LRRC37A2: variants seen among roughly 807,000 people sequenced by gnomAD.
The protein encoded by LRRC37A2 is leucine rich repeat containing 37 member A2, also known as leucine-rich repeat-containing protein 37A2.
Under a neutral mutation model 68.8 loss-of-function variants are expected in LRRC37A2, and 9 were observed. That is an observed-to-expected ratio of 0.13 (90% CI 0.08 to 0.23). The LOEUF (loss-of-function observed/expected upper bound fraction) is 0.23. Among genes scored for constraint, LRRC37A2 ranks in the 10% least tolerant of loss-of-function variants. The pLI is 1.00. For missense variants in LRRC37A2, 168 were observed against 950.4 expected (o/e 0.18, Z 10.82); for synonymous variants, 63 against 367.6 (o/e 0.17, Z 9.48).
At chr17:46,558,940 C>A (rs1191982299), downstream of LRRC37A2, 1 of 104,572 alleles carries the variant, frequency 9.6e-6, no homozygotes, top group Non-Finnish European at 1.8e-5. Flanking sequence ...GGTCTCTCAA[C>A]GTACTGGGAT....
chr17:46,716,539 G>A, the LRRC37A2 span, among the ~76,000 whole-genome samples: 65 of 152,304 alleles, frequency 4.3e-4, 1 homozygote, highest in South Asian at 2.5e-3. Flanking sequence ...TTACAGGCAT[G>A]AGCCACCGCG....
chr17:46,712,028 T>C, the LRRC37A2 span, among the ~76,000 whole-genome samples: 1 of 152,158 alleles, frequency 6.6e-6, no homozygotes, highest in African/African-American at 2.4e-5. Context: ...ATTTGTAGGA[T>C]TTTAAGCAGT....
the LRRC37A2 span, among the ~76,000 whole-genome samples, chr17:46,867,334 C>T: frequency 6.6e-6 from 1 of 152,268 alleles, no homozygotes; most frequent in African/African-American, 2.4e-5. Flanking sequence ...GGTAGCACAA[C>T]TAGGAAGAGG....
chr17:46,718,696 T>C, the LRRC37A2 span, among the ~76,000 whole-genome samples: 10 of 152,206 alleles, frequency 6.6e-5, no homozygotes, highest in African/African-American at 2.4e-4. Flanking sequence ...GGATATGTCA[T>C]TTAACCTATA....
At chr17:46,966,389 C>G in the LRRC37A2 span, 11 of 553,176 alleles carry the variant, frequency 2.0e-5, no homozygotes, top group Non-Finnish European at 3.5e-5. Flanking sequence ...TCTTCAAGGC[C>G]CTCAGATACC....
chr17:46,859,450 A>G, the LRRC37A2 span, among the ~76,000 whole-genome samples: 2 of 152,150 alleles, frequency 1.3e-5, no homozygotes, highest in Non-Finnish European at 2.9e-5. Context: ...AATTGATTCA[A>G]TATGTGTGGG....
chr17:46,882,893 GCAGGCTCCACCCCACA>G, the LRRC37A2 span, among the ~76,000 whole-genome samples: 2 of 152,114 alleles, frequency 1.3e-5, no homozygotes, highest in Non-Finnish European at 2.9e-5. Context: ...GTGGCTCTGT[GCAGGCTCCACCCCACA>G]CAGGCATTCC....
chr17:47,018,278 G>C, the LRRC37A2 span: 15 of 1,611,428 alleles, frequency 9.3e-6, no homozygotes, highest in Non-Finnish European at 1.3e-5. Flanking sequence ...AGCAGCAGCA[G>C]CCAGTTCAGC....
chr17:46,777,555 G>A, the LRRC37A2 span, among the ~76,000 whole-genome samples: 6 of 152,250 alleles, frequency 3.9e-5, no homozygotes, highest in East Asian at 1.9e-4. Flanking sequence ...CTGTGCAGAC[G>A]CAGTCTCTCC....
At chr17:47,038,027 A>G in the LRRC37A2 span, among the ~76,000 whole-genome samples, 4 of 152,104 alleles carry the variant, frequency 2.6e-5, no homozygotes, top group East Asian at 7.7e-4. Flanking sequence ...GTATTTGTGC[A>G]GTGCAGTGGC....
chr17:46,776,765 C>T, the LRRC37A2 span, among the ~76,000 whole-genome samples: 1 of 152,154 alleles, frequency 6.6e-6, no homozygotes, highest in East Asian at 1.9e-4. Context: ...GAAGCCTGGG[C>T]TGTCCCCGCT....
the LRRC37A2 span, among the ~76,000 whole-genome samples, chr17:46,822,985 T>A: frequency 6.8e-6 from 1 of 147,814 alleles, no homozygotes; most frequent in Admixed American, 6.8e-5. Context: ...GGCATTCAGT[T>A]TTATGTATTT....
the LRRC37A2 span, among the ~76,000 whole-genome samples, chr17:46,606,196 A>G: frequency 5.0e-4 from 11 of 21,842 alleles, no homozygotes; most frequent in Admixed American, 7.7e-4. Context: ...AAAAAAAAGA[A>G]CTAAATATAT....
chr17:46,545,285 C>CAAA (rs71277059), intron 8 of LRRC37A2, among the ~76,000 whole-genome samples: 1 of 116,546 alleles, frequency 8.6e-6, no homozygotes, highest in African/African-American at 3.7e-5. Context: ...TACAAAAGTA[C>CAAA]AAAAAAAAAA....
the LRRC37A2 span, among the ~76,000 whole-genome samples, chr17:46,453,975 T>C: frequency 1.7e-5 from 1 of 58,868 alleles, no homozygotes; most frequent in African/African-American, 7.7e-5. Flanking sequence ...ATATCTGTAT[T>C]ATATATAATA....
chr17:46,867,164 C>G, the LRRC37A2 span, among the ~76,000 whole-genome samples: 1 of 152,236 alleles, frequency 6.6e-6, no homozygotes, highest in East Asian at 1.9e-4. Context: ...CTCCTGAGTC[C>G]AACCAACTTC....
chr17:46,762,378 G>A, the LRRC37A2 span: 4 of 151,946 alleles, frequency 2.6e-5, no homozygotes, highest in African/African-American at 9.7e-5. Flanking sequence ...TGATGATCTT[G>A]CTTAGAAAAC....
chr17:46,713,810 TAGGTTGGC>T, the LRRC37A2 span: 6 of 1,592,900 alleles, frequency 3.8e-6, no homozygotes, highest in Non-Finnish European at 5.1e-6. Context: ...TCCCTTTGCT[TAGGTTGGC>T]TTTTTTCCCC....
At chr17:46,851,643 G>T in the LRRC37A2 span, 10 of 1,275,762 alleles carry the variant, frequency 7.8e-6, no homozygotes, top group East Asian at 3.3e-5. This position sits in a 1 kb window ranked among gnomAD's most constrained non-coding sequence, Gnocchi z 4.3. Context: ...AGCACCATGC[G>T]CCCCCCGCCC....
Sources: gnomAD v4.1 joint callset for allele counts (sites outside exome capture counted in the v4.1 genomes callset) on GRCh38, gnomAD v4.1.1 for gene constraint, Gnocchi (gnomAD v3.1) non-coding constraint, MANE v1.5 for transcripts, NCBI Gene and HGNC (gene_info 2026-07-23, HGNC 2026-07-21) for gene names.